The following NCKAP1 variants were observed in gnomAD, a reference collection of about 807,000 sequenced individuals.
NCKAP1 encodes the protein nck-associated protein 1.
A neutral mutation model predicts 151.2 loss-of-function variants in NCKAP1; 21 were observed. The observed-to-expected ratio is 0.14, with a 90% CI of 0.10 to 0.20. NCKAP1 has a LOEUF of 0.20. Ranked by LOEUF, NCKAP1 falls within the 10% of genes least tolerant of loss-of-function variation. The pLI is 1.00. For missense variants in NCKAP1, 933 were observed against 1,352.1 expected (o/e 0.69, Z 4.86); for synonymous variants, 484 against 451.8 (o/e 1.07, Z -0.90).
chr2:182,999,093 G>T (rs1698329487), intron 6 of NCKAP1, among the ~76,000 whole-genome samples: 1 of 152,012 alleles, frequency 6.6e-6, no homozygotes, highest in Non-Finnish European at 1.5e-5. Flanking sequence ...GCAGTTTAAA[G>T]ATTCAACACT....
At chr2:182,926,691 G>C (rs1237222358) in intron 30 of NCKAP1, 125 bp downstream of exon 30, 10 of 575,758 alleles carry the variant, frequency 1.7e-5, no homozygotes, top group African/African-American at 1.2e-4. Flanking sequence ...TTTTAGAAAG[G>C]TGTGGCTTAC....
At chr2:182,994,009 GA>G (rs1253820619) in intron 8 of NCKAP1, among the ~76,000 whole-genome samples, 1 of 152,024 alleles carries the variant, frequency 6.6e-6, no homozygotes, top group Non-Finnish European at 1.5e-5. Flanking sequence ...TAAAACGAAG[GA>G]AAACAAACAA....
At position 182,925,716 on chromosome 2, in the gene NCKAP1, T is replaced by A. The variant is rs1424427462; in HGVS notation, c.3373A>T (p.Thr1125Ser). ...AYHAVYKQSV[T>S]SSA ...AGTAGGTAATTTTATGCAGAAGATGTAACACTTTGTTTGTAGACAGCATGG... is the reference window on the plus strand; with the variant it reads ...AGTAGGTAATTTTATGCAGAAGATGAAACACTTTGTTTGTAGACAGCATGG... Residue 1125 changes from threonine (T) to serine (S), a missense_variant, in exon 31 of 31, where the codon ACA (threonine) becomes TCA (serine). Thr to Ser is a moderately conservative substitution (Grantham distance 58). Coordinates refer to ENST00000361354, the MANE Select transcript of NCKAP1 (RefSeq NM_013436.5). The A allele has an allele frequency of 7.1e-6, 11 of 1,557,280 alleles. No individual in the cohort carries two copies. The highest frequency in any genetic ancestry group is 7.8e-6 in the Non-Finnish European group (9 of 1,153,840).
intron 17 of NCKAP1, 52 bp downstream of exon 17, chr2:182,964,624 G>C: frequency 7.0e-7 from 1 of 1,426,354 alleles, no homozygotes; most frequent in Non-Finnish European, 9.3e-7. Context: ...CTACAGGTTT[G>C]ATCTAGTTTA....
At chr2:182,995,270 A>G (rs1698246255) in intron 7 of NCKAP1, among the ~76,000 whole-genome samples, 1 of 152,212 alleles carries the variant, frequency 6.6e-6, no homozygotes, top group Non-Finnish European at 1.5e-5. Flanking sequence ...TGTCTCACCA[A>G]AATCAGTAGC....
At chr2:183,015,952 GA>G (rs1164029403) in intron 2 of NCKAP1, among the ~76,000 whole-genome samples, 1 of 151,910 alleles carries the variant, frequency 6.6e-6, no homozygotes, top group Non-Finnish European at 1.5e-5. Flanking sequence ...AAAACACTGG[GA>G]AAAAGGCTTG....
At chr2:182,967,086 A>T (rs1559085745) in intron 16 of NCKAP1, 130 bp downstream of exon 16, 1 of 794,616 alleles carries the variant, frequency 1.3e-6, no homozygotes, top group African/African-American at 1.8e-5. Context: ...ATAAAAGTCC[A>T]CTATTCCCTT....
chr2:182,945,336 T>C (rs1389612819), intron 23 of NCKAP1, among the ~76,000 whole-genome samples: 1 of 151,958 alleles, frequency 6.6e-6, no homozygotes, highest in Non-Finnish European at 1.5e-5. Context: ...AGTTGGAGGC[T>C]GCAGTGAGCT....
intron 1 of NCKAP1, among the ~76,000 whole-genome samples, chr2:183,030,998 T>C (rs1156980926): frequency 1.3e-5 from 2 of 152,196 alleles, no homozygotes; most frequent in African/African-American, 4.8e-5. Flanking sequence ...GAGAGCAATC[T>C]ACTGCTAGTA....
rs531796818 is a variant in NCKAP1 at position 182,986,448 on chromosome 2, A to G, written c.948-221T>C. On this transcript the variant is annotated intron_variant, in intron 9 of 30. Transcript: ENST00000361354. ...AAGTAACATTATATTAAATCCAACA[A>G]TAAAATTAAACTTCACAATGTAGAT... Among the ~76,000 whole-genome samples, 4 of 152,292 alleles carry G rather than the reference A, an allele frequency of 2.6e-5. No individual in the cohort carries two copies. The East Asian group carries it at 7.7e-4, about 29-fold the overall frequency.
At chr2:182,979,935 T>C (rs913972856) in intron 13 of NCKAP1, among the ~76,000 whole-genome samples, 1 of 152,134 alleles carries the variant, frequency 6.6e-6, no homozygotes, top group African/African-American at 2.4e-5. Flanking sequence ...TGGCAATTAC[T>C]AATATCAGTA....
chr2:182,910,240 G>T lies in NCKAP1; in HGVS notation c.*15462C>A, dbSNP rs1228602106. 2 of 152,130 alleles carry T rather than the reference G, an allele frequency of 1.3e-5. No homozygotes were observed. The highest frequency in any genetic ancestry group is 1.3e-4 in the Admixed American group (2 of 15,268). 9.4% of individuals were successfully genotyped at this position (152,130 alleles called of 1,614,324 possible). A position where few individuals can be genotyped will look rare whatever the true frequency, so the allele number is the denominator to read the frequency against. ...TTTGGAGTCCAAGTAAACCTGCTGT[G>T]GGACAACCCTTGCCACCCCACTCAA... On this transcript the variant is annotated 3_prime_UTR_variant, in exon 31 of 31. Transcript: ENST00000361354.
intron 1 of NCKAP1, among the ~76,000 whole-genome samples, chr2:183,024,765 T>C (rs752491762): frequency 4.6e-5 from 7 of 152,262 alleles, no homozygotes; most frequent in African/African-American, 1.2e-4. Flanking sequence ...ATAACATTTC[T>C]ATTTAACTTC....
chr2:182,952,444 G>A lies in NCKAP1; in HGVS notation c.2562C>T (p.Ser854=). 2 of 1,611,286 alleles carry A rather than the reference G, an allele frequency of 1.2e-6. No individual in the cohort carries two copies. The highest frequency in any genetic ancestry group is 1.7e-6 in the Non-Finnish European group (2 of 1,178,716). ...GPYGMKFLSE[S]LMWHISSQVA... is the part of the protein sequence containing the mutation. ...CTTGTGATGAAATATGCCACATAAG[G>A]CTTTCACTTAGAAACTTCATACCAT... The change falls in exon 23 of 31, where the codon AGC becomes AGT. Residue 854 remains serine (S), a synonymous_variant. Transcript: ENST00000361354.
At chr2:182,936,596 A>G (rs1387984058) in intron 24 of NCKAP1, among the ~76,000 whole-genome samples, 1 of 152,192 alleles carries the variant, frequency 6.6e-6, no homozygotes, top group African/African-American at 2.4e-5. Flanking sequence ...AGGAATAGAG[A>G]GAAGTGTTTT....
intron 10 of NCKAP1, among the ~76,000 whole-genome samples, chr2:182,984,048 C>T (rs1697997160): frequency 1.0e-5 from 1 of 98,860 alleles, no homozygotes; most frequent in Admixed American, 1.2e-4. Context: ...AAAAAAAATC[C>T]TTGAAGGCAA....
Position 183,034,258 on chromosome 2 carries a change from T to C in NCKAP1, c.108+3734A>G, listed in dbSNP as rs904068087. On this transcript the variant is annotated intron_variant, in intron 1 of 30. Transcript: ENST00000361354. ...AACTTTTCCTTAGAAAATAAATTTA[T>C]CCAAAATAATGAGAAAAGGATAGGG... Among the ~76,000 whole-genome samples the C allele has an allele frequency of 6.6e-5, 10 of 152,054 alleles. No homozygotes were observed. In the South Asian group the frequency reaches 1.7e-3, roughly 25 times the overall value.
At position 182,928,992 on chromosome 2, in the gene NCKAP1, A is replaced by T; in HGVS notation, c.2954-93T>A. On this transcript the variant is annotated intron_variant, in intron 27 of 30. Coordinates refer to ENST00000361354, the MANE Select transcript of NCKAP1 (RefSeq NM_013436.5). ...AACTAAACAGATTTTTATTTTAAAA[A>T]TGGTTTACTTTTTTTTTTGAAATAG... The T allele has an allele frequency of 3.7e-6, 3 of 807,076 alleles. 1 individual carries two copies. The South Asian group carries it at 6.2e-5, about 17-fold the overall frequency. 50.0% of individuals were successfully genotyped at this position (807,076 alleles called of 1,614,324 possible).
intron 2 of NCKAP1, among the ~76,000 whole-genome samples, chr2:183,014,226 TGAATAATCAGTG>T (rs1389856290): frequency 1.2e-4 from 19 of 152,260 alleles, no homozygotes; most frequent in Non-Finnish European, 1.3e-4. Flanking sequence ...AATAAATAAA[TGAATAATCAGTG>T]GAGAATGTGA....
Sources: allele counts gnomAD v4.1 joint callset (sites outside exome capture counted in the v4.1 genomes callset), GRCh38; gene constraint gnomAD v4.1.1; transcripts MANE v1.5; gene names NCBI Gene and HGNC (gene_info 2026-07-23, HGNC 2026-07-21).